Variants in ADAMDEC1 observed in about 807,000 individuals in gnomAD.
The protein encoded by ADAMDEC1 is ADAM DEC1.
ADAMDEC1 carries 62 observed loss-of-function variants against 60.4 expected under a neutral mutation model. That is an observed-to-expected ratio of 1.03 (90% CI 0.84 to 1.27). The LOEUF (loss-of-function observed/expected upper bound fraction) is 1.27. Ranked by LOEUF, ADAMDEC1 falls within the 50% of genes most tolerant of loss-of-function variation. The pLI is 0.00. For missense variants in ADAMDEC1, 595 were observed against 565.0 expected (o/e 1.05, Z -0.54); for synonymous variants, 210 against 195.1 (o/e 1.08, Z -0.64).
chr8:24,398,625 C>A (rs943832350), intron 8 of ADAMDEC1, 74 bp downstream of exon 8: 4 of 1,180,112 alleles, frequency 3.4e-6, no homozygotes, highest in Admixed American at 2.4e-5. Context: ...AAGATTTCAC[C>A]AACAAGAAGT....
intron 5 of ADAMDEC1, 117 bp downstream of exon 5, chr8:24,395,913 A>C (rs1338625815): frequency 1.4e-6 from 1 of 720,724 alleles, no homozygotes; most frequent in African/African-American, 1.8e-5. Flanking sequence ...TGAAATGCTG[A>C]ATATATGTGG....
Position 24,405,519 on chromosome 8 carries a change from T to G in ADAMDEC1, c.*221T>G, listed in dbSNP as rs1817868531. ...TCTTTTTACTTTTTTTTTTCTTTTTTCTTTTTTTTTAAAGATCATGAATTT... is the reference window on the plus strand; with the variant it reads ...TCTTTTTACTTTTTTTTTTCTTTTTGCTTTTTTTTTAAAGATCATGAATTT... On this transcript the variant is annotated 3_prime_UTR_variant, in exon 14 of 14. Coordinates refer to ENST00000256412, the MANE Select transcript of ADAMDEC1 (RefSeq NM_014479.3). 1 of 490,660 alleles carries G rather than the reference T, an allele frequency of 2.0e-6. No homozygotes were observed. The highest frequency in any genetic ancestry group is 3.6e-6 in the Non-Finnish European group (1 of 281,304). The allele number at this position is 490,660 out of a possible 1,614,324, so 30.4% of individuals were successfully genotyped here. A position where few individuals can be genotyped will look rare whatever the true frequency, so the allele number is the denominator to read the frequency against.
At chr8:24,395,357 A>T (rs1817579564) in intron 4 of ADAMDEC1, among the ~76,000 whole-genome samples, 1 of 152,236 alleles carries the variant, frequency 6.6e-6, no homozygotes, top group Non-Finnish European at 1.5e-5. Context: ...CACTGGGAGT[A>T]CTGTACATCC....
rs770132352 is a variant in ADAMDEC1, at chr8:24,384,565, G to A, written c.61G>A (p.Val21Ile). Residue 21 changes from valine to isoleucine, a missense_variant, in exon 1 of 14, where the codon GTA becomes ATA. Transcript: ENST00000256412. ...CACCATGTCTTGGGTCCTGCTGCCT[G>A]TACTTTGGCTCATTGTTCAAACTCA... ...VATMSWVLLP[V>I]LWLIVQTQAI... The A allele has an allele frequency of 1.3e-5, 21 of 1,610,774 alleles. No homozygotes were observed. In the South Asian group the frequency reaches 2.3e-4, roughly 18 times the overall value.
In ADAMDEC1 at chr8:24,403,898, T is replaced by G. The variant is rs575785702; in HGVS notation, c.1321-105T>G. 3.4e-5 allele frequency: 29 copies of G among 864,200 alleles called. No individual in the cohort carries two copies. The African/African-American group carries it at 4.4e-4, about 13-fold the overall frequency. The allele number at this position is 864,200 out of a possible 1,614,324, so 53.5% of individuals were successfully genotyped here. A position where few individuals can be genotyped will look rare whatever the true frequency, so the allele number is the denominator to read the frequency against. ...AATTTGCCTATCAGAGTAATTTACC[T>G]TAAAAAGTAAACTTTCATTGCCATC... On this transcript the variant is annotated intron_variant, in intron 12 of 13. Coordinates refer to ENST00000256412, the MANE Select transcript of ADAMDEC1 (RefSeq NM_014479.3).
chr8:24,389,624 A>C (rs1350076226), intron 1 of ADAMDEC1, among the ~76,000 whole-genome samples: 1 of 152,168 alleles, frequency 6.6e-6, no homozygotes, highest in East Asian at 1.9e-4. Flanking sequence ...TTTCACACAG[A>C]GTAAAAGCCA....
chr8:24,397,377 C>A lies in ADAMDEC1; in HGVS notation c.548C>A (p.Ala183Asp), dbSNP rs1233119769. The change falls in exon 6 of 14, where the codon GCT (alanine) becomes GAT (aspartate). Residue 183 changes from alanine to aspartate, a missense_variant. By Grantham distance (126) the Ala-to-Asp change is moderately radical. Transcript: ENST00000256412. ...FTSNQEEQDP[A>D]NHTCGVKSTD... is the part of the protein sequence containing the mutation. Reference sequence around the variant, plus strand: ...TCTAACCAGGAGGAACAAGACCCAGCTAACCACACATGTGGTGTGAAGAGC... The same window carrying A: ...TCTAACCAGGAGGAACAAGACCCAGATAACCACACATGTGGTGTGAAGAGC... 6.2e-7 allele frequency: 1 copy of A among 1,613,968 alleles called. No individual in the cohort carries two copies. The highest frequency in any genetic ancestry group is 1.3e-5 in the African/African-American group (1 of 74,926).
At chr8:24,392,406 G>A in intron 2 of ADAMDEC1, 26 bp downstream of exon 2, 2 of 1,512,120 alleles carry the variant, frequency 1.3e-6, no homozygotes, top group Non-Finnish European at 1.8e-6. Context: ...GACCGTGGTA[G>A]ATGTTACAAT....
Position 24,404,013 on chromosome 8 carries a change from A to T in ADAMDEC1, c.1331A>T (p.Asn444Ile), listed in dbSNP as rs3765124. 3 of 1,613,124 alleles carry T rather than the reference A, an allele frequency of 1.9e-6. No individual in the cohort carries two copies. Among genetic ancestry groups the T allele is most frequent in the Admixed American group, 3.3e-5 (2 of 59,894 alleles). The stretch of plus-strand genomic sequence containing the variant: ...GTGTGTGCTTTGAAGGAGTGTACCA[A>T]TCTCTGCTGTGAAGCCCTAACGTGT... ...CDCGSPKECT[N>I]LCCEALTCKL... The change falls in exon 13 of 14, where the codon AAT (asparagine) becomes ATT (isoleucine). Residue 444 changes from asparagine (N) to isoleucine (I), a missense_variant. Asn to Ile is a moderately radical substitution (Grantham distance 149). Transcript: ENST00000256412.
chr8:24,399,146 G>A, intron 9 of ADAMDEC1, 106 bp downstream of exon 9: 1 of 1,316,830 alleles, frequency 7.6e-7, no homozygotes, highest in South Asian at 1.5e-5. Context: ...AACTGTCAGA[G>A]TGCTTGACAT....
At chr8:24,399,509 T>G (rs1402122305) in intron 10 of ADAMDEC1, 35 bp downstream of exon 10, 1 of 1,537,578 alleles carries the variant, frequency 6.5e-7, no homozygotes, top group African/African-American at 1.4e-5. Context: ...TCTGTGGTTC[T>G]GTATCCTCTA....
chr8:24,388,257 A>C (rs1817346382), intron 1 of ADAMDEC1, among the ~76,000 whole-genome samples: 2 of 151,844 alleles, frequency 1.3e-5, no homozygotes. Context: ...AGTTTTTCCC[A>C]CCACTCTGAC....
At chr8:24,399,160 A>G (rs1817694999) in intron 9 of ADAMDEC1, 120 bp downstream of exon 9, 1 of 1,184,464 alleles carries the variant, frequency 8.4e-7, no homozygotes, top group Admixed American at 2.7e-5. Flanking sequence ...TTGACATTTT[A>G]CCACTAGCAA....
Position 24,398,871 on chromosome 8 carries a change from CAGATA to C in ADAMDEC1, c.763-2_765del, listed in dbSNP as rs1817684223. 1 of 1,610,884 alleles carries C rather than the reference CAGATA, an allele frequency of 6.2e-7. No homozygotes were observed. Reference sequence around the variant, plus strand: ...TTTATGAAGATAAATGCTCTTTCCACAGATATATAACACCATAGATGTTCAAGTGG... The same window carrying C: ...TTTATGAAGATAAATGCTCTTTCCACTATAACACCATAGATGTTCAAGTGG... On this transcript the variant is annotated splice_acceptor_variant and coding_sequence_variant, in exon 9 of 14. Transcript: ENST00000256412. LOFTEE classifies it high-confidence loss of function.
chr8:24,386,244 C>A (rs1817288729), intron 1 of ADAMDEC1, among the ~76,000 whole-genome samples: 3 of 152,044 alleles, frequency 2.0e-5, no homozygotes, highest in South Asian at 4.1e-4. Flanking sequence ...AATTTTATAC[C>A]TGGTAATGTT....
At chr8:24,398,656 T>A (rs1293712410) in intron 8 of ADAMDEC1, 105 bp downstream of exon 8, 2 of 1,012,908 alleles carry the variant, frequency 2.0e-6, no homozygotes, top group Admixed American at 5.0e-5. Flanking sequence ...CCAAATGTCT[T>A]AAGTTAAATA....
chr8:24,393,531 C>G (rs940972459), intron 3 of ADAMDEC1, among the ~76,000 whole-genome samples, 193 bp downstream of exon 3: 1 of 152,148 alleles, frequency 6.6e-6, no homozygotes, highest in African/African-American at 2.4e-5. Context: ...AAAGGAATGG[C>G]ATATATAAAT....
chr8:24,404,170 T>C (rs1817834030), intron 13 of ADAMDEC1, 82 bp downstream of exon 13: 1 of 1,195,980 alleles, frequency 8.4e-7, no homozygotes, highest in Non-Finnish European at 1.2e-6. Flanking sequence ...CTGGGTTCCA[T>C]AATACACTAA....
chr8:24,394,259 C>T (rs1817548776), intron 4 of ADAMDEC1, 112 bp downstream of exon 4: 2 of 687,160 alleles, frequency 2.9e-6, no homozygotes, highest in Non-Finnish European at 4.5e-6. Context: ...TTCATAGGTC[C>T]ATGAACAGCT....
Sources: allele counts gnomAD v4.1 joint callset (sites outside exome capture counted in the v4.1 genomes callset), GRCh38; gene constraint gnomAD v4.1.1; transcripts MANE v1.5; gene names NCBI Gene and HGNC (gene_info 2026-07-23, HGNC 2026-07-21).